The following NAV2 variants were observed in gnomAD, a reference collection of about 807,000 sequenced individuals.
The protein encoded by NAV2 is helicase, APC down-regulated 1.
Under a neutral mutation model 223.2 loss-of-function variants are expected in NAV2, and 54 were observed. That is an observed-to-expected ratio of 0.24 (90% confidence interval 0.19 to 0.30). The LOEUF (loss-of-function observed/expected upper bound fraction) is 0.30, where lower values mean the gene tolerates loss of function less well. Among genes scored for constraint, NAV2 ranks in the 10% least tolerant of loss-of-function variants. NAV2 has a pLI of 1.00. For synonymous variants in NAV2, 1,279 were observed against 1,239.3 expected (o/e 1.03, Z -0.67); for missense variants, 2,806 against 3,147.5 (o/e 0.89, Z 2.60).
At chr11:19,839,499 T>A (rs532517402) in intron 2 of NAV2, among the ~76,000 whole-genome samples, 1 of 152,190 alleles carries the variant, frequency 6.6e-6, no homozygotes, top group African/African-American at 2.4e-5. Context: ...GGGCTGCCTC[T>A]GAACACAACC....
At position 19,982,259 on chromosome 11, in the gene NAV2, T is replaced by TTTTGTTTTGTTTTG. The variant is rs1555178644; in HGVS notation, c.2646-1863_2646-1862insGTTTTGTTTTGTTT. Among the ~76,000 whole-genome samples the TTTTGTTTTGTTTTG allele has an allele frequency of 1.6e-3, 219 of 135,662 alleles. No individual in the cohort carries two copies. In the Middle Eastern group the frequency reaches 0.021, roughly 13 times the overall value. The allele number at this position is 135,662 out of a possible 152,430, so 89.0% of individuals were successfully genotyped here. A position where few individuals can be genotyped will look rare whatever the true frequency, so the allele number is the denominator to read the frequency against. On this transcript the variant is annotated intron_variant, in intron 10 of 37. Coordinates refer to ENST00000349880, the MANE Select transcript of NAV2 (RefSeq NM_145117.5). ...GGTTTTCTTTTTTGTTTTGTTTTTG[T>TTTTGTTTTGTTTTG]TTTTGTTTTGTTTTGTTTTGTTTTT...
chr11:19,771,288 T>A (rs988961771), intron 1 of NAV2, among the ~76,000 whole-genome samples: 1 of 152,216 alleles, frequency 6.6e-6, no homozygotes, highest in East Asian at 1.9e-4. Flanking sequence ...GGAGTTGTAC[T>A]GTTTTAAAGG....
chr11:19,652,516 A>C (rs1270292051), intron 1 of NAV2, among the ~76,000 whole-genome samples: 1 of 152,224 alleles, frequency 6.6e-6, no homozygotes, highest in Non-Finnish European at 1.5e-5. Context: ...TTTTGGACAA[A>C]GAACTATTGG....
chr11:19,362,104 A>G (rs987528781), intron 1 of NAV2, among the ~76,000 whole-genome samples: 4 of 152,186 alleles, frequency 2.6e-5, no homozygotes, highest in African/African-American at 7.2e-5. Context: ...GCAGGTATAC[A>G]CTGTCACTTT....
intron 1 of NAV2, among the ~76,000 whole-genome samples, chr11:19,367,492 T>A (rs1848328193): frequency 6.6e-6 from 1 of 152,224 alleles, no homozygotes; most frequent in African/African-American, 2.4e-5. Context: ...CCAAGAACTA[T>A]TCATCCAAAC....
intron 1 of NAV2, among the ~76,000 whole-genome samples, chr11:19,653,029 C>A (rs1261975089): frequency 6.6e-6 from 1 of 152,054 alleles, no homozygotes. Context: ...CAGCCACAGA[C>A]CCCAACTATG....
At chr11:19,646,030 G>T (rs76050077) in intron 1 of NAV2, among the ~76,000 whole-genome samples, 2,373 of 152,276 alleles carry the variant, frequency 0.016, 67 homozygotes, top group African/African-American at 0.052. Flanking sequence ...AACATTGGCT[G>T]CCACGGGCAG....
At chr11:19,433,336 C>T (rs1273462290) in intron 1 of NAV2, among the ~76,000 whole-genome samples, 2 of 152,122 alleles carry the variant, frequency 1.3e-5, no homozygotes, top group Non-Finnish European at 2.9e-5. Context: ...GAACAGGATG[C>T]TCTACCTGGA....
At chr11:19,667,171 A>G (rs1175069720) in intron 1 of NAV2, among the ~76,000 whole-genome samples, 3 of 152,196 alleles carry the variant, frequency 2.0e-5, no homozygotes, top group African/African-American at 4.8e-5. Flanking sequence ...AGGGCCTTGC[A>G]CAGAGGATGT....
intron 1 of NAV2, among the ~76,000 whole-genome samples, chr11:19,397,956 G>A (rs1363605861): frequency 1.3e-5 from 2 of 152,174 alleles, no homozygotes; most frequent in Non-Finnish European, 2.9e-5. Flanking sequence ...ATAGTAGCTG[G>A]CATTGCTGTA....
Position 19,361,221 on chromosome 11 carries a change from CT to C in NAV2, c.75+10200del, listed in dbSNP as rs200871018. 8.6e-3 allele frequency among the ~76,000 whole-genome samples: 1,285 copies of C among 149,634 alleles called. 72 individuals are homozygous for C. The highest frequency in any genetic ancestry group is 0.03 in the African/African-American group (1,224 of 41,074). On this transcript the variant is annotated intron_variant, in intron 1 of 37. Transcript: ENST00000360655. Reference sequence around the variant, plus strand: ...TGTTGGTGCTGACTAAAAGTGAGCTCTTTTTTATGTCTCTCAGCCTCTGCTA... The same window carrying C: ...TGTTGGTGCTGACTAAAAGTGAGCTCTTTTTATGTCTCTCAGCCTCTGCTA...
chr11:19,748,231 T>C (rs76073712), intron 1 of NAV2, among the ~76,000 whole-genome samples: 6,309 of 152,194 alleles, frequency 0.041, 407 homozygotes, highest in African/African-American at 0.14. Flanking sequence ...GATTTTCACA[T>C]CCCAGGAGAC....
At chr11:19,777,900 T>C (rs2056403639) in intron 1 of NAV2, 1 of 455,870 alleles carries the variant, frequency 2.2e-6, no homozygotes, top group Non-Finnish European at 4.4e-6. Flanking sequence ...CGAGCCCCCA[T>C]TGTGTCTTGA....
intron 19 of NAV2, among the ~76,000 whole-genome samples, chr11:20,060,350 CT>C (rs2058625540): frequency 6.6e-6 from 1 of 152,258 alleles, no homozygotes; most frequent in South Asian, 2.1e-4. Flanking sequence ...GCTGAATTAA[CT>C]TACCTCTGTG....
At chr11:19,871,477 G>A (rs1434139456) in intron 4 of NAV2, among the ~76,000 whole-genome samples, 1 of 152,144 alleles carries the variant, frequency 6.6e-6, no homozygotes, top group African/African-American at 2.4e-5. Flanking sequence ...TGGGGAAGGT[G>A]CTGTCCTCAG....
At chr11:19,462,792 C>G (rs566748364) in intron 1 of NAV2, among the ~76,000 whole-genome samples, 1 of 152,316 alleles carries the variant, frequency 6.6e-6, no homozygotes, top group South Asian at 2.1e-4. Context: ...TTGTTCTCCT[C>G]TCTATAGACA....
chr11:20,103,191 G>A (rs971617273), intron 32 of NAV2, 64 bp from the exon 33 acceptor site: 34 of 1,521,586 alleles, frequency 2.2e-5, no homozygotes, highest in Admixed American at 1.3e-4. Flanking sequence ...AAGGCCCTGA[G>A]CGGTGTGTCT....
chr11:19,775,575 A>G (rs1483217015), intron 1 of NAV2, among the ~76,000 whole-genome samples: 43 of 152,246 alleles, frequency 2.8e-4, no homozygotes, highest in Non-Finnish European at 2.9e-5. Flanking sequence ...TGGAATTTGT[A>G]GTCTAGTGGG....
At chr11:20,113,901 A>G (rs991803450) in intron 36 of NAV2, among the ~76,000 whole-genome samples, 4 of 152,180 alleles carry the variant, frequency 2.6e-5, no homozygotes, top group Non-Finnish European at 5.9e-5. Flanking sequence ...AGTCTCAGCT[A>G]CTTGGGAGGC....
Sources: gnomAD v4.1 joint callset for allele counts (sites outside exome capture counted in the v4.1 genomes callset) on GRCh38, gnomAD v4.1.1 for gene constraint, MANE v1.5 for transcripts, NCBI Gene and HGNC (gene_info 2026-07-23, HGNC 2026-07-21) for gene names.